MEGF6: variants seen among roughly 807,000 people sequenced by gnomAD.
MEGF6 encodes the protein multiple EGF like domains 6.
In MEGF6, 184 loss-of-function variants were observed where a neutral mutation model predicts 207.1. The observed-to-expected ratio is 0.89, with a 90% CI of 0.79 to 1.00. The LOEUF is 1.00. MEGF6 is among the 50% of genes least tolerant of loss of function. The probability of loss-of-function intolerance (pLI) is 0.00; values close to 1 mark genes in which losing one functional copy is unlikely to be tolerated. For synonymous variants in MEGF6, 1,038 were observed against 910.0 expected (o/e 1.14, Z -2.53); for missense variants, 2,282 against 2,202.9 (o/e 1.04, Z -0.72).
chr1:3,554,232 C>T (rs892937599), intron 4 of MEGF6, among the ~76,000 whole-genome samples: 1 of 152,146 alleles, frequency 6.6e-6, no homozygotes, highest in Non-Finnish European at 1.5e-5. Flanking sequence ...CAGGAGGAGA[C>T]GGTGAGGACT....
At chr1:3,601,910 C>T (rs1570240320) in intron 2 of MEGF6, among the ~76,000 whole-genome samples, 1 of 152,370 alleles carries the variant, frequency 6.6e-6, no homozygotes, top group South Asian at 2.1e-4. Flanking sequence ...GAATGCGTTC[C>T]TGCCTTCCCT....
chr1:3,593,705 C>T (rs1644016220), intron 3 of MEGF6, among the ~76,000 whole-genome samples: 1 of 151,922 alleles, frequency 6.6e-6, no homozygotes, highest in Non-Finnish European at 1.5e-5. Flanking sequence ...TTGATGTCTG[C>T]CCCCTCCCCA....
chr1:3,609,198 C>A (rs1570256435), intron 1 of MEGF6, among the ~76,000 whole-genome samples: 1 of 152,182 alleles, frequency 6.6e-6, no homozygotes, highest in African/African-American at 2.4e-5. Flanking sequence ...GAGCCAACAG[C>A]GCCCTTGCCC....
chr1:3,547,315 C>T (rs1395146538), intron 4 of MEGF6, among the ~76,000 whole-genome samples: 2 of 152,180 alleles, frequency 1.3e-5, no homozygotes, highest in Non-Finnish European at 2.9e-5. Context: ...CACTGCAGAA[C>T]GGGTCCCTCC....
chr1:3,547,426 C>T (rs1329719168), intron 4 of MEGF6, among the ~76,000 whole-genome samples: 1 of 152,168 alleles, frequency 6.6e-6, no homozygotes, highest in Non-Finnish European at 1.5e-5. Context: ...GGCCCTGCTC[C>T]CGTAAAGCAG....
intron 7 of MEGF6, among the ~76,000 whole-genome samples, chr1:3,513,389 G>C (rs1178529972): frequency 1.3e-5 from 2 of 150,464 alleles, no homozygotes; most frequent in African/African-American, 4.9e-5. Context: ...CTCCTGCCTC[G>C]GCCTCCTGAG....
rs1249185406 is a variant in MEGF6, at chr1:3,514,559, C to T, written c.844G>A (p.Ala282Thr). Residue 282 changes from alanine to threonine, a missense_variant, in exon 7 of 37, where the codon GCC becomes ACC. By Grantham distance (58) the Ala-to-Thr change is moderately conservative (BLOSUM62 0). Coordinates refer to ENST00000356575, the MANE Select transcript of MEGF6 (RefSeq NM_001409.4). The part of the protein sequence containing the change: ...VGYQLAADGK[A>T]CEDVDECAAG... ...GGGAGGGGCGTCCTACCTTCACAGG[C>T]CTTGCCGTCCGCTGCTAGCTGATAG... 7.5e-6 allele frequency: 12 copies of T among 1,591,412 alleles called. 1 individual carries two copies. Among genetic ancestry groups the T allele is most frequent in the South Asian group, 2.3e-5 (2 of 88,056 alleles).
Position 3,505,406 on chromosome 1 carries a change from C to T in MEGF6, c.2053+16G>A, listed in dbSNP as rs773160718. ...CCCTGGCGCCCCCCGCCCCCAGACCCCATGCCTGGACTCACCTGCCTGACA... is the reference window on the plus strand; with the variant it reads ...CCCTGGCGCCCCCCGCCCCCAGACCTCATGCCTGGACTCACCTGCCTGACA... On this transcript the variant is annotated intron_variant, in intron 16 of 36. Transcript: ENST00000356575. The T allele has an allele frequency of 6.2e-7, 1 of 1,600,872 alleles. No individual in the cohort carries two copies. Among genetic ancestry groups the T allele is most frequent in the Non-Finnish European group, 8.5e-7 (1 of 1,172,496 alleles).
At position 3,510,877 on chromosome 1, in the gene MEGF6, C is replaced by A. The variant is rs199986147; in HGVS notation, c.1140G>T (p.Pro380=). Residue 380 remains proline, a synonymous_variant, in exon 10 of 37, where the codon CCG becomes CCT. Transcript: ENST00000356575. Reference sequence around the variant, plus strand: ...TGTTGGTGCACACCTGCTGGCAGCACGGGCTGTCTGCACAGTCGTCGACAT... The same window carrying A: ...TGTTGGTGCACACCTGCTGGCAGCAAGGGCTGTCTGCACAGTCGTCGACAT... The part of the protein sequence containing the change: ...CIDVDDCADS[P]CCQQVCTNNP... 1.1e-5 allele frequency: 17 copies of A among 1,609,036 alleles called. No homozygotes were observed. The highest frequency in any genetic ancestry group is 1.2e-5 in the Non-Finnish European group (14 of 1,176,974).
chr1:3,586,894 C>T (rs1643901178), intron 3 of MEGF6, among the ~76,000 whole-genome samples: 1 of 152,202 alleles, frequency 6.6e-6, no homozygotes. Flanking sequence ...ACCCTGGCAC[C>T]CCTGACTATA....
rs1384977128 is a variant in MEGF6 at position 3,556,130 on chromosome 1, CCGTGGCCCAGGTGCTAAGTGAACCA to C, written c.481+23670_481+23694del. Among the ~76,000 whole-genome samples the C allele has an allele frequency of 2.0e-5, 3 of 152,208 alleles. No individual in the cohort carries two copies. Among genetic ancestry groups the C allele is most frequent in the East Asian group, 3.9e-4 (2 of 5,184 alleles). ...CACCTGTTACAGCAGGAGTGGCCTT[CCGTGGCCCAGGTGCTAAGTGAACCA>C]CGTCCCTGTTGCTGGGCCACCCTGT... On this transcript the variant is annotated intron_variant, in intron 4 of 36. Coordinates refer to ENST00000356575, the MANE Select transcript of MEGF6 (RefSeq NM_001409.4). The surrounding 1 kb of genome is among the most constrained non-coding windows in gnomAD (Gnocchi z 4.4).
At chr1:3,543,743 C>T (rs565486435) in intron 4 of MEGF6, among the ~76,000 whole-genome samples, 2 of 152,366 alleles carry the variant, frequency 1.3e-5, no homozygotes, top group South Asian at 4.1e-4. Context: ...TGGCAAAGAC[C>T]TTTTCTGTCC....
chr1:3,616,436 T>C (rs1644379893), upstream of MEGF6, among the ~76,000 whole-genome samples: 1 of 152,162 alleles, frequency 6.6e-6, no homozygotes, highest in South Asian at 2.1e-4. Flanking sequence ...CCCCGGTCTG[T>C]TCCTCACATC....
At chr1:3,522,448 T>C (rs1641789021) in intron 5 of MEGF6, among the ~76,000 whole-genome samples, 1 of 152,180 alleles carries the variant, frequency 6.6e-6, no homozygotes, top group East Asian at 1.9e-4. Flanking sequence ...CCCTGGCATC[T>C]GGCCCGGAGA....
chr1:3,599,672 G>A (rs4648395), intron 2 of MEGF6, among the ~76,000 whole-genome samples: 106,001 of 152,094 alleles, frequency 0.7, 37,904 homozygotes, highest in East Asian at 0.86. Context: ...AGGGCCTGGC[G>A]GCAGTCTCGG....
chr1:3,490,966 G>A lies in MEGF6; in HGVS notation c.4517-7C>T, dbSNP rs765981981. On this transcript the variant is annotated splice_region_variant and splice_polypyrimidine_tract_variant and intron_variant, in intron 35 of 36. Coordinates refer to ENST00000356575, the MANE Select transcript of MEGF6 (RefSeq NM_001409.4). ...GGGAGCCGGAGGGGCCCACCTGGAGGGGAGAGAGAGCAGGCCATGTTAGTA... is the reference window on the plus strand; with the variant it reads ...GGGAGCCGGAGGGGCCCACCTGGAGAGGAGAGAGAGCAGGCCATGTTAGTA... The A allele has an allele frequency of 2.1e-5, 33 of 1,595,460 alleles. No homozygotes were observed. Among genetic ancestry groups the A allele is most frequent in the African/African-American group, 5.4e-5 (4 of 73,674 alleles).
At position 3,595,349 on chromosome 1, in the gene MEGF6, C is replaced by A; in HGVS notation, c.365G>T (p.Gly122Val). 6.2e-7 allele frequency: 1 copy of A among 1,604,348 alleles called. No individual in the cohort carries two copies. The highest frequency in any genetic ancestry group is 8.5e-7 in the Non-Finnish European group (1 of 1,174,036). ...CAGGCGGCACTCACCCGAGAGGCAGCCCTCCTCGTCGGGCTGCTGCATCCA... is the reference window on the plus strand; with the variant it reads ...CAGGCGGCACTCACCCGAGAGGCAGACCTCCTCGTCGGGCTGCTGCATCCA... ...RGWMQQPDEE[G>V]CLSAECSASL... Residue 122 changes from glycine (G) to valine (V), a missense_variant, in exon 3 of 37, where the codon GGC (glycine) becomes GTC (valine). Coordinates refer to ENST00000356575, the MANE Select transcript of MEGF6 (RefSeq NM_001409.4).
At chr1:3,595,217 C>T in intron 3 of MEGF6, 121 bp downstream of exon 3, 1 of 669,300 alleles carries the variant, frequency 1.5e-6, no homozygotes, top group Non-Finnish European at 2.6e-6. Flanking sequence ...CGAGTGTTCC[C>T]TGAGTCTCTC....
At chr1:3,616,217 CA>C (rs1438176102), upstream of MEGF6, among the ~76,000 whole-genome samples, 12 of 152,214 alleles carry the variant, frequency 7.9e-5, no homozygotes, top group Non-Finnish European at 1.5e-4. Flanking sequence ...GAGAGTCCCA[CA>C]GAGAGATGCA....
Sources: allele counts gnomAD v4.1 joint callset (sites outside exome capture counted in the v4.1 genomes callset), GRCh38; gene constraint gnomAD v4.1.1; non-coding constraint Gnocchi (gnomAD v3.1); transcripts MANE v1.5; gene names NCBI Gene and HGNC (gene_info 2026-07-23, HGNC 2026-07-21).